NOP9: variants seen among roughly 807,000 people sequenced by gnomAD.
NOP9 encodes NOP9 nucleolar protein.
A neutral mutation model predicts 63.0 loss-of-function variants in NOP9; 50 were observed. The ratio of observed to expected loss-of-function variants is 0.79; its 90% CI spans 0.63 to 1.00. The LOEUF is 1.00. Ranked by LOEUF, NOP9 falls within the 50% of genes least tolerant of loss-of-function variation. The pLI, the probability that NOP9 is intolerant of heterozygous loss-of-function variation, is 0.00. For missense variants in NOP9, 758 were observed against 803.0 expected (o/e 0.94, Z 0.68); for synonymous variants, 343 against 332.8 (o/e 1.03, Z -0.33).
At chr14:24,292,266 A>G in the NOP9 span, 2 of 1,613,990 alleles carry the variant, frequency 1.2e-6, no homozygotes, top group Non-Finnish European at 1.7e-6. Flanking sequence ...CCCCGGCCAC[A>G]GAGACACACA....
Position 24,306,185 on chromosome 14 carries a change from A to C in NOP9, c.*1090A>C, listed in dbSNP as rs369359869. 1 of 1,582,496 alleles carries C rather than the reference A, an allele frequency of 6.3e-7. No individual in the cohort carries two copies. The highest frequency in any genetic ancestry group is 8.6e-7 in the Non-Finnish European group (1 of 1,157,068). Reference sequence around the variant, plus strand: ...CAGTAGATCCTCATACCAGACACCCACCACTAATCTCCATCAGCACTGGGT... The same window carrying C: ...CAGTAGATCCTCATACCAGACACCCCCCACTAATCTCCATCAGCACTGGGT... On this transcript the variant is annotated 3_prime_UTR_variant, in exon 10 of 10. Transcript: ENST00000267425.
the NOP9 span, among the ~76,000 whole-genome samples, chr14:24,277,358 G>A: frequency 6.6e-6 from 1 of 152,250 alleles, no homozygotes; most frequent in African/African-American, 2.4e-5. Flanking sequence ...AAGTCAGCGT[G>A]GGCGTCAGGT....
At chr14:24,304,357 G>T (rs570145706) in intron 8 of NOP9, 80 bp downstream of exon 8, 10 of 1,352,156 alleles carry the variant, frequency 7.4e-6, no homozygotes, top group Non-Finnish European at 1.0e-5. Context: ...TGTACCTTCA[G>T]ACTCAAAAAG....
chr14:24,303,669 CTTAAAG>C, intron 6 of NOP9, 57 bp from the exon 7 acceptor site: 3 of 1,571,444 alleles, frequency 1.9e-6, no homozygotes, highest in Non-Finnish European at 2.6e-6. Flanking sequence ...AAGGTGTTCC[CTTAAAG>C]TTGAGGTAAG....
At chr14:24,279,392 A>T in the NOP9 span, among the ~76,000 whole-genome samples, 5 of 152,298 alleles carry the variant, frequency 3.3e-5, no homozygotes, top group East Asian at 9.6e-4. Context: ...TTGATGGCCC[A>T]TGGGGGTTGC....
the NOP9 span, among the ~76,000 whole-genome samples, chr14:24,288,814 A>C: frequency 6.6e-6 from 1 of 152,072 alleles, no homozygotes; most frequent in Non-Finnish European, 1.5e-5. Flanking sequence ...GCCATCATGG[A>C]AAGTTTTGTT....
At chr14:24,304,730 A>C in intron 9 of NOP9, 132 bp downstream of exon 9, 4 of 906,956 alleles carry the variant, frequency 4.4e-6, no homozygotes, top group Non-Finnish European at 6.5e-6. Flanking sequence ...ATGGGTTCTT[A>C]GCAGTCTGCT....
At chr14:24,284,900 TCTC>T in the NOP9 span, among the ~76,000 whole-genome samples, 7 of 152,048 alleles carry the variant, frequency 4.6e-5, no homozygotes, top group African/African-American at 7.2e-5. Flanking sequence ...ACTCACATCG[TCTC>T]CTCACTTCCC....
At position 24,308,231 on chromosome 14, in the gene NOP9, A is replaced by G; in HGVS notation, c.*3136A>G. 1 of 293,706 alleles carries G rather than the reference A, an allele frequency of 3.4e-6. No individual in the cohort carries two copies. Among genetic ancestry groups the G allele is most frequent in the Non-Finnish European group, 6.6e-6 (1 of 151,654 alleles). 18.2% of individuals were successfully genotyped at this position (293,706 alleles called of 1,614,324 possible). On this transcript the variant is annotated 3_prime_UTR_variant, in exon 10 of 10. Transcript: ENST00000267425. ...TTTCTGGGGACGGTTTCTGGCTCTC[A>G]GGCTCTGAGAAGCTGCAGTTTATGA...
At chr14:24,290,892 C>T in the NOP9 span, 1 of 1,613,888 alleles carries the variant, frequency 6.2e-7, no homozygotes, top group Non-Finnish European at 8.5e-7. Flanking sequence ...CAATAATCCA[C>T]TTGGGCACAC....
the NOP9 span, chr14:24,292,809 G>T: frequency 6.2e-7 from 1 of 1,605,434 alleles, no homozygotes; most frequent in Non-Finnish European, 8.5e-7. Context: ...AAGGGAAGAA[G>T]GAATGAACCG....
rs748081782 is a variant in NOP9, at chr14:24,301,614, G to A, written c.700G>A (p.Ala234Thr). 6.2e-7 allele frequency: 1 copy of A among 1,614,166 alleles called. No individual in the cohort carries two copies. Residue 234 changes from alanine to threonine, a missense_variant and splice_region_variant, in exon 3 of 10, where the codon GCA (alanine) becomes ACA (threonine). Coordinates refer to ENST00000267425, the MANE Select transcript of NOP9 (RefSeq NM_174913.3). ...ACATGTTCTTAATCTTCCTTCAGAA[G>A]CACAGAAGACCCCAGCTCAGGAATG... ...ARPRGSQSSEAQKTPAQECKP... is the reference protein window; with the variant it reads ...ARPRGSQSSETQKTPAQECKP...
In NOP9 at chr14:24,304,064, C is replaced by A; in HGVS notation, c.1434C>A (p.Ala478=). 1 of 1,614,240 alleles carries A rather than the reference C, an allele frequency of 6.2e-7. No individual in the cohort carries two copies. The highest frequency in any genetic ancestry group is 8.5e-7 in the Non-Finnish European group (1 of 1,180,032). Residue 478 remains alanine, a synonymous_variant, in exon 8 of 10, where the codon GCC becomes GCA. Transcript: ENST00000267425. Reference sequence around the variant, plus strand: ...AGGTGGCAATGGCCGCAGCCAGAGCCTTGGGGGATGTGACAGTCCTTGGGT... The same window carrying A: ...AGGTGGCAATGGCCGCAGCCAGAGCATTGGGGGATGTGACAGTCCTTGGGT... ...EHQVAMAAAR[A]LGDVTVLGSL...
Position 24,306,662 on chromosome 14 carries a change from G to T in NOP9, c.*1567G>T. On this transcript the variant is annotated 3_prime_UTR_variant, in exon 10 of 10. Transcript: ENST00000267425. ...TTCCGGCACTTTGATACCTCCTAAA[G>T]GTTGCAGCTCTCCGTGTTCTTCAGT... 1 of 1,023,930 alleles carries T rather than the reference G, an allele frequency of 9.8e-7. No homozygotes were observed. Among genetic ancestry groups the T allele is most frequent in the East Asian group, 2.6e-5 (1 of 38,998 alleles). The allele number at this position is 1,023,930 out of a possible 1,614,324, so 63.4% of individuals were successfully genotyped here. A position where few individuals can be genotyped will look rare whatever the true frequency, so the allele number is the denominator to read the frequency against.
At chr14:24,292,602 TA>T in the NOP9 span, 1 of 1,614,062 alleles carries the variant, frequency 6.2e-7, no homozygotes, top group Non-Finnish European at 8.5e-7. Flanking sequence ...GAGCTATAGG[TA>T]ACATCACTGT....
chr14:24,301,652 T>C lies in NOP9; in HGVS notation c.738T>C (p.Asp246=). Residue 246 remains aspartate, a synonymous_variant, in exon 3 of 10, where the codon GAT becomes GAC. Coordinates refer to ENST00000267425, the MANE Select transcript of NOP9 (RefSeq NM_174913.3). ...CAGCTCAGGAATGTAAGCCAGCTGATTTTGAAGTCCCTGAAACCTTTTTGA... is the reference window on the plus strand; with the variant it reads ...CAGCTCAGGAATGTAAGCCAGCTGACTTTGAAGTCCCTGAAACCTTTTTGA... ...KTPAQECKPA[D]FEVPETFLNR... The C allele has an allele frequency of 1.2e-6, 2 of 1,614,098 alleles. No homozygotes were observed. Among genetic ancestry groups the C allele is most frequent in the Non-Finnish European group, 1.7e-6 (2 of 1,179,966 alleles).
the NOP9 span, among the ~76,000 whole-genome samples, chr14:24,287,608 C>T: frequency 6.6e-6 from 1 of 152,196 alleles, no homozygotes; most frequent in Non-Finnish European, 1.5e-5. Context: ...GTATTCCATA[C>T]TGAATCTAAA....
At chr14:24,276,344 T>C in the NOP9 span, among the ~76,000 whole-genome samples, 3 of 145,526 alleles carry the variant, frequency 2.1e-5, no homozygotes, top group African/African-American at 5.2e-5. Context: ...GCCACTGCAC[T>C]CTAGCCTGGG....
the NOP9 span, among the ~76,000 whole-genome samples, chr14:24,276,455 T>TA: frequency 6.6e-5 from 10 of 151,272 alleles, no homozygotes; most frequent in East Asian, 3.9e-4. Context: ...CTGGCAAATT[T>TA]AAAAAAAAAT....
Sources: gnomAD v4.1 joint callset for allele counts (sites outside exome capture counted in the v4.1 genomes callset) on GRCh38, gnomAD v4.1.1 for gene constraint, MANE v1.5 for transcripts, NCBI Gene and HGNC (gene_info 2026-07-23, HGNC 2026-07-21) for gene names.